The following KLF7 variants were observed in gnomAD, a reference collection of about 807,000 sequenced individuals.
KLF7 encodes the protein KLF transcription factor 7, also known as Krueppel-like factor 7.
KLF7 carries 2 observed loss-of-function variants against 27.3 expected under a neutral mutation model. The ratio of observed to expected loss-of-function variants is 0.07; its 90% CI spans 0.03 to 0.23. KLF7 has a LOEUF of 0.23. Ranked by LOEUF, KLF7 falls within the 10% of genes least tolerant of loss-of-function variation. KLF7 has a pLI of 1.00. For missense variants in KLF7, 221 were observed against 394.1 expected (o/e 0.56, Z 3.72); for synonymous variants, 165 against 162.4 (o/e 1.02, Z -0.12).
chr2:207,153,485 G>A (rs1415440817), intron 1 of KLF7, among the ~76,000 whole-genome samples: 1 of 152,208 alleles, frequency 6.6e-6, no homozygotes, highest in Non-Finnish European at 1.5e-5. Context: ...GAGAGGTAAA[G>A]TGAGACACTT....
At chr2:207,137,273 C>G (rs2106043051) in intron 1 of KLF7, among the ~76,000 whole-genome samples, 1 of 152,250 alleles carries the variant, frequency 6.6e-6, no homozygotes, top group Middle Eastern at 3.4e-3. Context: ...TTAGCAGCCC[C>G]ACTTCTATCA....
chr2:207,162,468 T>C (rs1220149200), intron 1 of KLF7, among the ~76,000 whole-genome samples: 4 of 152,234 alleles, frequency 2.6e-5, no homozygotes, highest in African/African-American at 9.6e-5. Flanking sequence ...AGTGCTTAAG[T>C]ATGCAGTCAG....
At chr2:207,110,260 C>T (rs188203584) in intron 2 of KLF7, among the ~76,000 whole-genome samples, 2 of 152,274 alleles carry the variant, frequency 1.3e-5, no homozygotes, top group Admixed American at 6.5e-5. Flanking sequence ...GGTGCTGGTG[C>T]GAACCAGAAC....
At chr2:207,167,106 G>A (rs1459551119), upstream of KLF7, 3 of 1,410,952 alleles carry the variant, frequency 2.1e-6, no homozygotes, top group African/African-American at 3.0e-5. Flanking sequence ...GGAGCCGGCA[G>A]CTTGCGAGGG....
chr2:207,114,457 C>A (rs189869160), intron 2 of KLF7, among the ~76,000 whole-genome samples: 8 of 152,118 alleles, frequency 5.3e-5, no homozygotes, highest in Admixed American at 1.3e-4. Context: ...CATAAACACA[C>A]GAAATGAAGA....
At chr2:207,162,032 C>A (rs1403905235) in intron 1 of KLF7, among the ~76,000 whole-genome samples, 1 of 152,180 alleles carries the variant, frequency 6.6e-6, no homozygotes, top group African/African-American at 2.4e-5. Context: ...AGACTTAGAT[C>A]ATCACTGCTT....
intron 2 of KLF7, 139 bp from the exon 3 acceptor site, chr2:207,088,720 T>C (rs576946157): frequency 2.3e-6 from 2 of 867,452 alleles, no homozygotes; most frequent in East Asian, 2.8e-5. Flanking sequence ...CCTAACATAG[T>C]ATACCACTGT....
At chr2:207,092,771 G>A (rs2076541817) in intron 2 of KLF7, among the ~76,000 whole-genome samples, 2 of 152,152 alleles carry the variant, frequency 1.3e-5, no homozygotes, top group Non-Finnish European at 2.9e-5. Flanking sequence ...ATGCATCTAT[G>A]ATATATGTAG....
In KLF7 at chr2:207,133,498, G is replaced by T. The variant is rs185560335; in HGVS notation, c.103-9094C>A. Among the ~76,000 whole-genome samples the T allele has an allele frequency of 7.8e-3, 1,181 of 152,322 alleles. 10 individuals carry two copies. Among genetic ancestry groups the T allele is most frequent in the Non-Finnish European group, 0.011 (741 of 68,026 alleles). ...AGCAGTTCGTCAAGAGCCCAAGGAC[G>T]TGGGAGGAGGCCTCTTTTCAGAGGA... On this transcript the variant is annotated intron_variant, in intron 1 of 3. Coordinates refer to ENST00000309446, the MANE Select transcript of KLF7 (RefSeq NM_003709.4).
chr2:207,165,612 A>C lies in KLF7; in HGVS notation c.-44T>G. On this transcript the variant is annotated 5_prime_UTR_variant, in exon 1 of 4. Transcript: ENST00000309446. ...AACGGGAGGCGAAACCCTCCCCCGAACACAGTTGGGGCTGTTTGTTTGTCA... is the reference window on the plus strand; with the variant it reads ...AACGGGAGGCGAAACCCTCCCCCGACCACAGTTGGGGCTGTTTGTTTGTCA... 6.2e-7 allele frequency: 1 copy of C among 1,612,056 alleles called. No homozygotes were observed. The highest frequency in any genetic ancestry group is 8.5e-7 in the Non-Finnish European group (1 of 1,179,904).
At chr2:207,159,108 T>C (rs537905857) in intron 1 of KLF7, among the ~76,000 whole-genome samples, 2 of 152,332 alleles carry the variant, frequency 1.3e-5, no homozygotes, top group East Asian at 3.9e-4. Flanking sequence ...GAACCTGACT[T>C]TCAAAATGAC....
chr2:207,126,163 T>C (rs1342051873), intron 1 of KLF7, among the ~76,000 whole-genome samples: 3 of 152,238 alleles, frequency 2.0e-5, no homozygotes, highest in Non-Finnish European at 4.4e-5. Flanking sequence ...GCTTCTTTTC[T>C]GAACTCCACT....
At chr2:207,088,437 T>TC in intron 3 of KLF7, 21 bp downstream of exon 3, 2 of 1,611,888 alleles carry the variant, frequency 1.2e-6, no homozygotes, top group Non-Finnish European at 1.7e-6. Context: ...CCCTAGCCCA[T>TC]CAACTTCTAC....
At chr2:207,160,481 C>T (rs1002440674) in intron 1 of KLF7, among the ~76,000 whole-genome samples, 6 of 152,282 alleles carry the variant, frequency 3.9e-5, no homozygotes, top group African/African-American at 1.4e-4. Context: ...AAGCCCATTG[C>T]ACAATACTAT....
chr2:207,139,841 T>C (rs923813531), intron 1 of KLF7, among the ~76,000 whole-genome samples: 3 of 152,202 alleles, frequency 2.0e-5, no homozygotes, highest in Admixed American at 1.3e-4. Context: ...AGTGTAGTCA[T>C]TGAGAGGAAA....
At position 207,076,810 on chromosome 2, in the gene KLF7, C is replaced by A. The variant is rs1226552371; in HGVS notation, c.*4403G>T. ...GAATTTGAGTCCTCCCCTCCTGCCC[C>A]CCAACTCTTGCGCTTGGCAGGTGGC... On this transcript the variant is annotated 3_prime_UTR_variant, in exon 4 of 4. Coordinates refer to ENST00000309446, the MANE Select transcript of KLF7 (RefSeq NM_003709.4). 1.3e-5 allele frequency: 2 copies of A among 152,198 alleles called. No homozygotes were observed. Among genetic ancestry groups the A allele is most frequent in the African/African-American group, 4.8e-5 (2 of 41,442 alleles). The allele number at this position is 152,198 out of a possible 1,614,324, so 9.4% of individuals were successfully genotyped here. A position where few individuals can be genotyped will look rare whatever the true frequency, so the allele number is the denominator to read the frequency against.
At chr2:207,093,185 G>A (rs1274032125) in intron 2 of KLF7, among the ~76,000 whole-genome samples, 1 of 152,138 alleles carries the variant, frequency 6.6e-6, no homozygotes, top group African/African-American at 2.4e-5. Context: ...ATTCTGCAAA[G>A]GGTTCCACAG....
intron 1 of KLF7, among the ~76,000 whole-genome samples, chr2:207,163,197 T>C (rs1420318596): frequency 2.0e-5 from 3 of 152,220 alleles, no homozygotes; most frequent in Non-Finnish European, 2.9e-5. Context: ...TAAAGCTCAC[T>C]GGAGTGATAT....
Position 207,081,084 on chromosome 2 carries a change from TACAGAG to T in KLF7, c.*123_*128del. ...ATATGTGTGTGTGTGTGTGTGTGTG[TACAGAG>T]GTTTATAAGTGAGAACTTTCTTCTG... is the stretch of plus-strand genomic sequence containing the variant. On this transcript the variant is annotated 3_prime_UTR_variant, in exon 4 of 4. Coordinates refer to ENST00000309446, the MANE Select transcript of KLF7 (RefSeq NM_003709.4). The T allele has an allele frequency of 7.9e-6, 6 of 754,790 alleles. No homozygotes were observed. The highest frequency in any genetic ancestry group is 1.4e-5 in the Non-Finnish European group (6 of 418,386). The allele number at this position is 754,790 out of a possible 1,614,324, so 46.8% of individuals were successfully genotyped here.
Sources: gnomAD v4.1 joint callset for allele counts (sites outside exome capture counted in the v4.1 genomes callset) on GRCh38, gnomAD v4.1.1 for gene constraint, MANE v1.5 for transcripts, NCBI Gene and HGNC (gene_info 2026-07-23, HGNC 2026-07-21) for gene names.